KIFAP3: variants seen among roughly 807,000 people sequenced by gnomAD.
KIFAP3 encodes the protein kinesin-associated protein 3.
KIFAP3 carries 68 observed loss-of-function variants against 106.5 expected under a neutral mutation model. The observed-to-expected ratio is 0.64, with a 90% CI of 0.53 to 0.78. The LOEUF is 0.78. Among genes scored for constraint, KIFAP3 ranks in the 30% least tolerant of loss-of-function variants. The pLI, the probability that KIFAP3 is intolerant of heterozygous loss-of-function variation, is 0.00. For missense variants in KIFAP3, 780 were observed against 941.8 expected (o/e 0.83, Z 2.25); for synonymous variants, 320 against 311.5 (o/e 1.03, Z -0.29).
At chr1:170,047,620 CAAAAAAAAAAAAA>C (rs1165754265) in intron 2 of KIFAP3, among the ~76,000 whole-genome samples, 15 of 46,196 alleles carry the variant, frequency 3.2e-4, no homozygotes, top group African/African-American at 9.6e-4. Context: ...GGCTCTGTCT[CAAAAAAAAAAAAA>C]AAAAAAAAAA....
intron 1 of KIFAP3, among the ~76,000 whole-genome samples, chr1:170,072,654 C>T (rs1671757930): frequency 1.3e-5 from 2 of 152,094 alleles, no homozygotes; most frequent in Admixed American, 6.5e-5. Flanking sequence ...AAATATACTG[C>T]TATCTGCTGT....
chr1:170,002,142 A>G (rs1341732211), intron 10 of KIFAP3, among the ~76,000 whole-genome samples: 1 of 152,142 alleles, frequency 6.6e-6, no homozygotes, highest in Non-Finnish European at 1.5e-5. Flanking sequence ...TCTAAACCGG[A>G]AGAAATCAAA....
rs1669361113 is a variant in KIFAP3, at chr1:170,030,782, GAGGAAGAAGGCAGA to G, written c.841+1090_841+1103del. On this transcript the variant is annotated intron_variant, in intron 8 of 19. Transcript: ENST00000361580. ...AGCAGATCAGTGATGACTTGGGAAT[GAGGAAGAAGGCAGA>G]AGGAAGAAGGAAAGGGAGAGATTGT... Among the ~76,000 whole-genome samples, 4 of 151,930 alleles carry G rather than the reference GAGGAAGAAGGCAGA, an allele frequency of 2.6e-5. No individual in the cohort carries two copies. In the South Asian group the frequency reaches 8.3e-4, roughly 31 times the overall value.
chr1:170,032,056 T>C (rs545700221), intron 7 of KIFAP3, 72 bp from the exon 8 acceptor site: 1 of 825,636 alleles, frequency 1.2e-6, no homozygotes, highest in South Asian at 1.6e-5. Context: ...CTATGAACAA[T>C]GGCACTATTA....
At chr1:169,940,395 G>A (rs981491591) in intron 19 of KIFAP3, among the ~76,000 whole-genome samples, 2 of 152,144 alleles carry the variant, frequency 1.3e-5, no homozygotes, top group Admixed American at 1.3e-4. Context: ...ATTGTACATA[G>A]ATCTGAAACC....
At chr1:170,013,854 T>C (rs1668372827) in intron 10 of KIFAP3, among the ~76,000 whole-genome samples, 1 of 152,190 alleles carries the variant, frequency 6.6e-6, no homozygotes, top group Non-Finnish European at 1.5e-5. Context: ...TATGAATTTG[T>C]CACTTCAAAA....
At chr1:170,018,786 C>T (rs1220529383) in intron 9 of KIFAP3, among the ~76,000 whole-genome samples, 1 of 151,960 alleles carries the variant, frequency 6.6e-6, no homozygotes, top group African/African-American at 2.4e-5. Flanking sequence ...AAGGAATAAA[C>T]ACAAATTGTT....
In KIFAP3 at chr1:170,035,544, A is replaced by G. The variant is rs763427712; in HGVS notation, c.527T>C (p.Leu176Pro). ...TCTCAGGACCCTTGCTAATGCACCA[A>G]GGGCAGTTTCTAAAGAAAAAGGAGA... The part of the protein sequence containing the change: ...LEELLLNETA[L>P]GALARVLRED... Residue 176 changes from leucine to proline, a missense_variant, in exon 6 of 20, where the codon CTT becomes CCT. This residue lies in a region of KIFAP3 where 588 missense variants were observed against 678.9 expected (regional missense o/e 0.87). Coordinates refer to ENST00000361580, the MANE Select transcript of KIFAP3 (RefSeq NM_014970.4). 6.2e-7 allele frequency: 1 copy of G among 1,601,586 alleles called. No individual in the cohort carries two copies. Among genetic ancestry groups the G allele is most frequent in the Non-Finnish European group, 8.5e-7 (1 of 1,173,650 alleles).
intron 18 of KIFAP3, among the ~76,000 whole-genome samples, chr1:169,955,771 G>T (rs543649087): frequency 2.4e-4 from 37 of 152,172 alleles, no homozygotes; most frequent in African/African-American, 8.9e-4. Flanking sequence ...ATACTTAAGA[G>T]ATTGCTTGAG....
At chr1:170,077,436 A>G (rs974982960), upstream of KIFAP3, among the ~76,000 whole-genome samples, 59 of 152,222 alleles carry the variant, frequency 3.9e-4, no homozygotes, top group African/African-American at 1.4e-3. Flanking sequence ...ATATTCACAC[A>G]ATACAATAAT....
At chr1:170,034,662 A>G (rs1417889495) in intron 6 of KIFAP3, among the ~76,000 whole-genome samples, 166 bp from the exon 7 acceptor site, 1 of 151,894 alleles carries the variant, frequency 6.6e-6, no homozygotes, top group African/African-American at 2.4e-5. Flanking sequence ...GCGATTATAA[A>G]ATTACTTTAA....
chr1:169,963,874 G>C (rs2014567987), intron 17 of KIFAP3, among the ~76,000 whole-genome samples: 1 of 151,920 alleles, frequency 6.6e-6, no homozygotes, highest in Non-Finnish European at 1.5e-5. Flanking sequence ...TTAAAATTAA[G>C]TTGCATAAAA....
chr1:170,008,455 A>G (rs1300965338), intron 10 of KIFAP3, among the ~76,000 whole-genome samples: 1 of 151,432 alleles, frequency 6.6e-6, no homozygotes, highest in Admixed American at 6.6e-5. Flanking sequence ...AAAAAGTGGG[A>G]GAAAGATATG....
At chr1:170,044,834 T>C (rs1670160534) in intron 3 of KIFAP3, among the ~76,000 whole-genome samples, 1 of 152,158 alleles carries the variant, frequency 6.6e-6, no homozygotes, top group African/African-American at 2.4e-5. Context: ...AATTCCAAGG[T>C]GAACAGACAA....
At chr1:170,051,425 G>A (rs1670570537) in intron 2 of KIFAP3, among the ~76,000 whole-genome samples, 1 of 152,054 alleles carries the variant, frequency 6.6e-6, no homozygotes. Context: ...GTCAATATTA[G>A]GCAGATCAAT....
intron 10 of KIFAP3, among the ~76,000 whole-genome samples, chr1:170,013,271 G>T (rs949358333): frequency 6.6e-6 from 1 of 151,968 alleles, no homozygotes; most frequent in East Asian, 1.9e-4. Flanking sequence ...TGTATGAAAT[G>T]ATTAAACACC....
intron 1 of KIFAP3, among the ~76,000 whole-genome samples, chr1:170,066,194 A>T (rs1180246065): frequency 4.9e-5 from 6 of 121,346 alleles, no homozygotes; most frequent in Non-Finnish European, 9.9e-5. Context: ...CCCATTCTTT[A>T]TGTTATAGCT....
At chr1:170,031,781 T>C in intron 8 of KIFAP3, 105 bp downstream of exon 8, 1 of 660,878 alleles carries the variant, frequency 1.5e-6, no homozygotes, top group Non-Finnish European at 2.7e-6. Flanking sequence ...TATAGAACTT[T>C]CAGCTATTCT....
chr1:170,048,368 G>A (rs566266217), intron 2 of KIFAP3, among the ~76,000 whole-genome samples: 1 of 149,380 alleles, frequency 6.7e-6, no homozygotes, highest in Non-Finnish European at 1.5e-5. Flanking sequence ...AGTTTTAGCT[G>A]CACATCAGAA....
Sources: allele counts gnomAD v4.1 joint callset (sites outside exome capture counted in the v4.1 genomes callset), GRCh38; gene constraint gnomAD v4.1.1; regional missense constraint gnomAD v4.1.1; transcripts MANE v1.5; gene names NCBI Gene and HGNC (gene_info 2026-07-23, HGNC 2026-07-21).